SELENOM: variants seen among roughly 807,000 people sequenced by gnomAD.
The protein encoded by SELENOM is selenoprotein SelM.
Under a neutral mutation model 14.5 loss-of-function variants are expected in SELENOM, and 17 were observed. The ratio of observed to expected loss-of-function variants is 1.17; its 90% CI spans 0.80 to 1.76. The LOEUF is 1.76. SELENOM is among the 40% of genes most tolerant of loss of function. SELENOM has a pLI of 0.00. For synonymous variants in SELENOM, 102 were observed against 93.3 expected, an observed-to-expected ratio of 1.09 and a Z score of -0.54; for missense variants, 230 against 204.6, an observed-to-expected ratio of 1.12 and a Z score of -0.76.
chr22:31,105,997 G>A, intron 1 of SELENOM, 32 bp from the exon 2 acceptor site: 5 of 1,603,960 alleles, frequency 3.1e-6, no homozygotes, highest in Middle Eastern at 1.7e-4. Context: ...TAGGTCAGGA[G>A]TCCTTCACGT....
Position 31,105,106 on chromosome 22 carries a change from G to T in SELENOM, c.302C>A (p.Thr101Asn). The T allele has an allele frequency of 6.2e-7, 1 of 1,613,480 alleles. No homozygotes were observed. The highest frequency in any genetic ancestry group is 8.5e-7 in the Non-Finnish European group (1 of 1,179,836). The change falls in exon 5 of 5, where the codon ACC (threonine) becomes AAC (asparagine). Residue 101 changes from threonine to asparagine, a missense_variant. By Grantham distance (65) the Thr-to-Asn change is moderately conservative. Transcript: ENST00000400299. ...CACTAGCGCATTGATCTCTTCGCGG[G>T]TCATTTCACTGAGTGGGATGCGCTG... ...ELERIPLSEM[T>N]REEINALVQE...
In SELENOM at chr22:31,105,036, C is replaced by G. The variant is rs1390069817; in HGVS notation, c.372G>C (p.Val124=). The change falls in exon 5 of 5, where the codon GTG becomes GTC. Residue 124 remains valine (V), a synonymous_variant. Transcript: ENST00000400299. ...CGGGCGCCCACACGTACTCGGGGGG[C>G]ACCTGCGCGTCGGGCGCCGCCTTGC... ...FYRKAAPDAQ[V]PPEYVWAPAK... The G allele has an allele frequency of 2.5e-6, 4 of 1,611,518 alleles. No homozygotes were observed. The South Asian group carries it at 4.4e-5, about 18-fold the overall frequency.
rs1013446927 is a variant in SELENOM, at chr22:31,105,407, A to G, written c.201-121T>C. The G allele has an allele frequency of 9.6e-6, 10 of 1,046,048 alleles. No homozygotes were observed. The African/African-American group carries it at 1.4e-4, about 15-fold the overall frequency. The allele number at this position is 1,046,048 out of a possible 1,614,324, so 64.8% of individuals were successfully genotyped here. A position where few individuals can be genotyped will look rare whatever the true frequency, so the allele number is the denominator to read the frequency against. ...GCTTACTCTGTGCCCGGGAGGGGCCAGGGTCTCCGCTTATACGTGAGAAAA... is the reference window on the plus strand; with the variant it reads ...GCTTACTCTGTGCCCGGGAGGGGCCGGGGTCTCCGCTTATACGTGAGAAAA... On this transcript the variant is annotated intron_variant, in intron 3 of 4. Coordinates refer to ENST00000400299, the MANE Select transcript of SELENOM (RefSeq NM_080430.4).
In SELENOM at chr22:31,105,048, G is replaced by T; in HGVS notation, c.360C>A (p.Pro120=). Residue 120 remains proline (P), a synonymous_variant, in exon 5 of 5, where the codon CCC becomes CCA. Transcript: ENST00000400299. ...CGTACTCGGGGGGCACCTGCGCGTC[G>T]GGCGCCGCCTTGCGGTAGAAGCCGA... ...QELGFYRKAA[P]DAQVPPEYVW... 1 of 1,611,790 alleles carries T rather than the reference G, an allele frequency of 6.2e-7. No individual in the cohort carries two copies. Among genetic ancestry groups the T allele is most frequent in the Non-Finnish European group, 8.5e-7 (1 of 1,179,550 alleles).
Position 31,107,537 on chromosome 22 carries a change from G to C in SELENOM, c.-32C>G, listed in dbSNP as rs749639676. 1 of 1,509,530 alleles carries C rather than the reference G, an allele frequency of 6.6e-7. No homozygotes were observed. The highest frequency in any genetic ancestry group is 2.1e-5 in the Admixed American group (1 of 48,094). 93.5% of individuals were successfully genotyped at this position (1,509,530 alleles called of 1,614,324 possible). On this transcript the variant is annotated 5_prime_UTR_variant, in exon 1 of 5. Coordinates refer to ENST00000400299, the MANE Select transcript of SELENOM (RefSeq NM_080430.4). The stretch of plus-strand genomic sequence containing the variant: ...CCGGCCGCAGATGATGCGCAAGCTG[G>C]AGGCGAACCTCCGAGTCGCTGCGCC...
chr22:31,105,569 T>G (rs903431712), intron 3 of SELENOM, 89 bp downstream of exon 3: 22 of 1,366,434 alleles, frequency 1.6e-5, no homozygotes, highest in Middle Eastern at 1.8e-4. Flanking sequence ...ACTTGTCAGT[T>G]GAAAACCATC....
At chr22:31,106,387 C>T in intron 1 of SELENOM, 1 of 221,144 alleles carries the variant, frequency 4.5e-6, no homozygotes, top group Non-Finnish European at 9.2e-6. Flanking sequence ...TGGGGGCCCC[C>T]ATTGGAGACA....
Position 31,104,882 on chromosome 22 carries a change from G to T in SELENOM, c.*88C>A, listed in dbSNP as rs960668445. 6 of 1,396,936 alleles carry T rather than the reference G, an allele frequency of 4.3e-6. No homozygotes were observed. The African/African-American group carries it at 5.8e-5, about 14-fold the overall frequency. The allele number at this position is 1,396,936 out of a possible 1,614,324, so 86.5% of individuals were successfully genotyped here. ...GCCCGGGGACGGGCATCGGCTCTCA[G>T]CAAGAGAAGTATTCCCGGGATGCTG... On this transcript the variant is annotated 3_prime_UTR_variant, in exon 5 of 5. Transcript: ENST00000400299.
At chr22:31,107,321 A>G (rs1432214280) in intron 1 of SELENOM, 56 bp downstream of exon 1, 3 of 1,545,990 alleles carry the variant, frequency 1.9e-6, no homozygotes, top group Admixed American at 2.0e-5. Context: ...CGGTGCTCCC[A>G]TGGGGCCGCA....
At position 31,107,514 on chromosome 22, in the gene SELENOM, G is replaced by A. The variant is rs1326884197; in HGVS notation, c.-9C>T. 1.3e-6 allele frequency: 2 copies of A among 1,534,898 alleles called. No individual in the cohort carries two copies. Among genetic ancestry groups the A allele is most frequent in the Non-Finnish European group, 8.8e-7 (1 of 1,142,022 alleles). On this transcript the variant is annotated 5_prime_UTR_variant, in exon 1 of 5. Transcript: ENST00000400299. ...GGCAACAGGAGGCTCATCGGGACCC[G>A]GCCGCAGATGATGCGCAAGCTGGAG...
rs1458269638 is a variant in SELENOM, at chr22:31,107,402, C to T, written c.104G>A (p.Ser35Asn). Residue 35 changes from serine to asparagine, a missense_variant, in exon 1 of 5, where the codon AGC becomes AAC. By Grantham distance (46) the Ser-to-Asn change is conservative (BLOSUM62 1). Transcript: ENST00000400299. The stretch of plus-strand genomic sequence containing the variant: ...CTCTACCCGGGCGCGGGTTAGGCCG[C>T]TCAGACGGTTCCAGTCCGGCCGGTA... ...TAYRPDWNRL[S>N]GLTRARVETC... 21 of 1,593,572 alleles carry T rather than the reference C, an allele frequency of 1.3e-5. No individual in the cohort carries two copies. Among genetic ancestry groups the T allele is most frequent in the Non-Finnish European group, 1.6e-5 (19 of 1,172,216 alleles).
Position 31,105,189 on chromosome 22 carries a change from C to T in SELENOM, c.279+19G>A, listed in dbSNP as rs746254726. The T allele has an allele frequency of 1.3e-4, 215 of 1,613,166 alleles. 7 individuals are homozygous for T. The South Asian group carries it at 2.1e-3, about 16-fold the overall frequency. On this transcript the variant is annotated intron_variant, in intron 4 of 4. Coordinates refer to ENST00000400299, the MANE Select transcript of SELENOM (RefSeq NM_080430.4). ...CCTCGCCTCTGGCCTCGCCCCCAGC[C>T]CACCTCCCACGGCCTCACCTCTAGT...
chr22:31,105,511 C>T (rs1268513733), intron 3 of SELENOM, 147 bp downstream of exon 3: 1 of 917,984 alleles, frequency 1.1e-6, no homozygotes, highest in African/African-American at 1.6e-5. Context: ...GCCCACCCAA[C>T]ATGGAGACCA....
Position 31,107,373 on chromosome 22 carries a change from T to A in SELENOM, c.129+4A>T. On this transcript the variant is annotated splice_donor_region_variant and intron_variant, in intron 1 of 4. Transcript: ENST00000400299. Reference sequence around the variant, plus strand: ...GTGCCGGGGCTGGAGGCCGGCGTACTCACCTCTACCCGGGCGCGGGTTAGG... The same window carrying A: ...GTGCCGGGGCTGGAGGCCGGCGTACACACCTCTACCCGGGCGCGGGTTAGG... 1 of 1,593,074 alleles carries A rather than the reference T, an allele frequency of 6.3e-7. No individual in the cohort carries two copies. Among genetic ancestry groups the A allele is most frequent in the Non-Finnish European group, 8.5e-7 (1 of 1,171,558 alleles).
chr22:31,105,248 G>A lies in SELENOM; in HGVS notation c.239C>T (p.Pro80Leu). The A allele has an allele frequency of 6.2e-7, 1 of 1,613,046 alleles. No individual in the cohort carries two copies. Among genetic ancestry groups the A allele is most frequent in the Non-Finnish European group, 8.5e-7 (1 of 1,179,650 alleles). The change falls in exon 4 of 5, where the codon CCT (proline) becomes CTT (leucine). Residue 80 changes from proline (P) to leucine (L), a missense_variant. Coordinates refer to ENST00000400299, the MANE Select transcript of SELENOM (RefSeq NM_080430.4). ...LVMKHLPGAD[P>L]ELVLLGRRYE... ...GCGGCGGCCCAGCAGCACGAGCTCA[G>A]GGTCGGCCCCAGGGAGGTGTTTCAT...
At position 31,104,986 on chromosome 22, in the gene SELENOM, T is replaced by C; in HGVS notation, c.422A>G (p.Asp141Gly). The part of the protein sequence containing the change: ...APAKPPEETS[D>G]HADL ...CCCCCGGACCTACAGGTCAGCGTGG[T>C]CCGAAGTTTCCTCTGGGGGCTTCGC... Residue 141 changes from aspartate (D) to glycine (G), a missense_variant, in exon 5 of 5, where the codon GAC becomes GGC. Physicochemically the swap from Asp to Gly is moderately conservative, Grantham distance 94 (BLOSUM62 -1). Transcript: ENST00000400299. 6.3e-7 allele frequency: 1 copy of C among 1,595,374 alleles called. No individual in the cohort carries two copies. The highest frequency in any genetic ancestry group is 8.5e-7 in the Non-Finnish European group (1 of 1,173,146).
chr22:31,107,096 T>G, intron 1 of SELENOM: 2 of 395,458 alleles, frequency 5.1e-6, no homozygotes, highest in Admixed American at 4.5e-5. Context: ...ACGAGAAGAG[T>G]TAGGAGACTG....
intron 4 of SELENOM, 40 bp from the exon 5 acceptor site, chr22:31,105,168 G>A (rs369236262): frequency 2.5e-5 from 40 of 1,612,786 alleles, no homozygotes; most frequent in Non-Finnish European, 2.9e-5. Flanking sequence ...GCTGGGCCTC[G>A]CCTCTGGCCT....
intron 2 of SELENOM, 82 bp from the exon 3 acceptor site, chr22:31,105,774 T>C (rs375827780): frequency 2.2e-5 from 34 of 1,547,322 alleles, no homozygotes; most frequent in African/African-American, 4.1e-5. Context: ...AGTGAGGTCA[T>C]AAAGCAAGTC....
Sources: gnomAD v4.1 joint callset for allele counts on GRCh38, gnomAD v4.1.1 for gene constraint, MANE v1.5 for transcripts, NCBI Gene and HGNC (gene_info 2026-07-23, HGNC 2026-07-21) for gene names.